Variants in ALPK1 observed in about 807,000 individuals in gnomAD.
The protein encoded by ALPK1 is alpha-protein kinase 1.
In ALPK1, 110 loss-of-function variants were observed where a neutral mutation model predicts 120.6. The ratio of observed to expected loss-of-function variants is 0.91; its 90% CI spans 0.78 to 1.07. The LOEUF is 1.07. Among genes scored for constraint, ALPK1 ranks in the 50% least tolerant of loss-of-function variants. ALPK1 has a pLI of 0.00. For missense variants in ALPK1, 1,498 were observed against 1,483.9 expected (o/e 1.01, Z -0.16); for synonymous variants, 582 against 560.3 (o/e 1.04, Z -0.55).
At chr4:112,316,401 G>C (rs1303038900) in intron 2 of ALPK1, 4 of 152,082 alleles carry the variant, frequency 2.6e-5, no homozygotes, top group Non-Finnish European at 5.9e-5. Flanking sequence ...TACCAATTTT[G>C]TTTCTCCATT....
chr4:112,431,044 CAT>C lies in ALPK1; in HGVS notation c.1499_1500del (p.Ile500ArgfsTer25), dbSNP rs1382674473. Reference sequence around the variant, plus strand: ...CTGCTCTAAAAACAGAAATAAAAAACATAGATACTGTGAGTACTACTCAAGAA... The same window carrying C: ...CTGCTCTAAAAACAGAAATAAAAAACAGATACTGTGAGTACTACTCAAGAA... ...ITALKTEIKN[I>X]DTVSTTQEKP... On this transcript the variant is annotated frameshift_variant, in exon 11 of 16. Coordinates refer to ENST00000650871, the MANE Select transcript of ALPK1 (RefSeq NM_025144.4). LOFTEE classifies it high-confidence loss of function. The C allele has an allele frequency of 6.2e-7, 1 of 1,613,784 alleles. No homozygotes were observed. Among genetic ancestry groups the C allele is most frequent in the Non-Finnish European group, 8.5e-7 (1 of 1,179,938 alleles).
chr4:112,326,168 C>T (rs1226437804), intron 2 of ALPK1, among the ~76,000 whole-genome samples: 2 of 152,140 alleles, frequency 1.3e-5, no homozygotes, highest in African/African-American at 4.8e-5. Flanking sequence ...TCCCAACATC[C>T]CATTTTTACA....
chr4:112,372,444 C>G (rs2148723411), intron 2 of ALPK1, among the ~76,000 whole-genome samples: 1 of 152,260 alleles, frequency 6.6e-6, no homozygotes, highest in South Asian at 2.1e-4. Context: ...CTCCTGACTT[C>G]ATGGTCCACC....
At chr4:112,372,884 CAT>C (rs1464529272) in intron 2 of ALPK1, among the ~76,000 whole-genome samples, 2 of 152,146 alleles carry the variant, frequency 1.3e-5, no homozygotes, top group African/African-American at 4.8e-5. Flanking sequence ...ACTAAGAAAA[CAT>C]AAGCCTTTAG....
rs536501892 is a variant in ALPK1 at position 112,413,533 on chromosome 4, C to G, written c.475+1508C>G. ...TCTGGGGCTCAGGTGATGTTCCCCC[C>G]TCAGCCTCCTAAGTAGCTGAGACTT... is the stretch of plus-strand genomic sequence containing the variant. On this transcript the variant is annotated intron_variant, in intron 5 of 15. Transcript: ENST00000650871. 2.0e-5 allele frequency among the ~76,000 whole-genome samples: 3 copies of G among 152,198 alleles called. No homozygotes were observed. In the South Asian group the frequency reaches 6.2e-4, roughly 32 times the overall value.
rs1223782237 is a variant in ALPK1 at position 112,429,245 on chromosome 4, A to G, written c.892A>G (p.Thr298Ala). The G allele has an allele frequency of 6.2e-7, 1 of 1,611,608 alleles. No homozygotes were observed. Among genetic ancestry groups the G allele is most frequent in the Non-Finnish European group, 8.5e-7 (1 of 1,179,538 alleles). The change falls in exon 10 of 16, where the codon ACA becomes GCA. Residue 298 changes from threonine to alanine, a missense_variant. Transcript: ENST00000650871. ...FSAYTPLFVL[T>A]AVNIRGTCLL... ...TGCCTATACGCCGCTCTTCGTGCTC[A>G]CAGCTGTGGTAAACGAATGCAGCCG... is the stretch of plus-strand genomic sequence containing the variant.
At chr4:112,354,165 CT>C (rs1164898994) in intron 2 of ALPK1, among the ~76,000 whole-genome samples, 1 of 151,782 alleles carries the variant, frequency 6.6e-6, no homozygotes, top group African/African-American at 2.4e-5. Context: ...TTTCTTTCCA[CT>C]TTTTTTATGG....
chr4:112,439,776 G>T lies in ALPK1; in HGVS notation c.3442G>T (p.Val1148Leu), dbSNP rs756767838. 15 of 1,613,530 alleles carry T rather than the reference G, an allele frequency of 9.3e-6. No homozygotes were observed. The East Asian group carries it at 2.0e-4, about 22-fold the overall frequency. Residue 1148 changes from valine (V) to leucine (L), a missense_variant, in exon 14 of 16, where the codon GTG (valine) becomes TTG (leucine). Val to Leu is a conservative substitution (Grantham distance 32, BLOSUM62 1). Coordinates refer to ENST00000650871, the MANE Select transcript of ALPK1 (RefSeq NM_025144.4). ...AAAATTGTCAAATAACACGAAAGTG[G>T]TGAAAACAGAATACAAAGCCACAGA... is the stretch of plus-strand genomic sequence containing the variant. Reference protein sequence around the residue: ...FVKLSNNTKVVKTEYKATEYG... With the variant: ...FVKLSNNTKVLKTEYKATEYG...
intron 2 of ALPK1, chr4:112,356,163 C>T (rs1184696005): frequency 1.2e-6 from 2 of 1,606,798 alleles, no homozygotes; most frequent in Non-Finnish European, 1.7e-6. Context: ...AATGGTGTGA[C>T]CGTAGACTTC....
intron 7 of ALPK1, 81 bp from the exon 8 acceptor site, chr4:112,426,386 T>C: frequency 9.2e-7 from 1 of 1,085,528 alleles, no homozygotes; most frequent in Non-Finnish European, 1.4e-6. Flanking sequence ...GTATTTGTTT[T>C]CAAAGGTTTT....
At chr4:112,301,332 C>T (rs1578441352) in intron 1 of ALPK1, among the ~76,000 whole-genome samples, 1 of 152,200 alleles carries the variant, frequency 6.6e-6, no homozygotes, top group Admixed American at 6.5e-5. Context: ...GACCTTTGAG[C>T]CCAGATTTCC....
intron 4 of ALPK1, among the ~76,000 whole-genome samples, chr4:112,397,149 G>A (rs139979135): frequency 2.0e-4 from 31 of 152,304 alleles, no homozygotes; most frequent in African/African-American, 7.2e-4. Flanking sequence ...GCAAAATCAC[G>A]TAGTGCCTCA....
intron 2 of ALPK1, among the ~76,000 whole-genome samples, chr4:112,325,116 A>G (rs866078814): frequency 1.3e-5 from 2 of 152,208 alleles, no homozygotes; most frequent in African/African-American, 2.4e-5. Context: ...TAAGCACATT[A>G]CTTCATGGAA....
At chr4:112,329,247 A>G (rs1337361375) in intron 2 of ALPK1, among the ~76,000 whole-genome samples, 3 of 152,236 alleles carry the variant, frequency 2.0e-5, no homozygotes, top group Admixed American at 2.0e-4. Context: ...TTGTACCCAT[A>G]TTAGACAAAC....
intron 3 of ALPK1, among the ~76,000 whole-genome samples, chr4:112,380,658 C>A (rs1731861617): frequency 6.6e-6 from 1 of 151,984 alleles, no homozygotes; most frequent in African/African-American, 2.4e-5. Flanking sequence ...CTGTATTTAA[C>A]ATGTTTCACA....
At chr4:112,309,594 T>G (rs1237550702) in intron 1 of ALPK1, among the ~76,000 whole-genome samples, 2 of 152,042 alleles carry the variant, frequency 1.3e-5, no homozygotes, top group African/African-American at 2.4e-5. Flanking sequence ...CAGTTGGAAA[T>G]GCAGAAATCA....
At chr4:112,366,821 G>A (rs1282715650) in intron 2 of ALPK1, among the ~76,000 whole-genome samples, 2 of 152,080 alleles carry the variant, frequency 1.3e-5, no homozygotes, top group Admixed American at 1.3e-4. Context: ...TCAATGAGTG[G>A]GTAAAGAAAT....
intron 2 of ALPK1, among the ~76,000 whole-genome samples, chr4:112,317,752 A>G (rs189173814): frequency 6.6e-6 from 1 of 152,280 alleles, no homozygotes; most frequent in Admixed American, 6.5e-5. Flanking sequence ...TTGGAAGAAA[A>G]TGTCAGTGGT....
chr4:112,306,406 A>G (rs1728059621), intron 1 of ALPK1, among the ~76,000 whole-genome samples: 2 of 152,032 alleles, frequency 1.3e-5, no homozygotes, highest in South Asian at 4.1e-4. Flanking sequence ...GTAAGCTATT[A>G]ATTATTGCCT....
Sources: allele counts gnomAD v4.1 joint callset (sites outside exome capture counted in the v4.1 genomes callset), GRCh38; gene constraint gnomAD v4.1.1; transcripts MANE v1.5; gene names NCBI Gene and HGNC (gene_info 2026-07-23, HGNC 2026-07-21).